The following GPD2 variants were observed in gnomAD, a reference collection of about 807,000 sequenced individuals.
GPD2 encodes the protein glycerol-3-phosphate dehydrogenase, mitochondrial.
GPD2 carries 54 observed loss-of-function variants against 82.4 expected under a neutral mutation model. The ratio of observed to expected loss-of-function variants is 0.66; its 90% confidence interval spans 0.53 to 0.82. GPD2 has a LOEUF of 0.82. Among genes scored for constraint, GPD2 ranks in the 40% least tolerant of loss-of-function variants. The pLI, the probability that GPD2 is intolerant of heterozygous loss-of-function variation, is 0.00. For missense variants in GPD2, 748 were observed against 896.2 expected, an observed-to-expected ratio of 0.83 and a Z score of 2.11; for synonymous variants, 288 against 306.1, an observed-to-expected ratio of 0.94 and a Z score of 0.62.
At position 156,495,787 on chromosome 2, in the gene GPD2, A is replaced by G; in HGVS notation, c.103-257A>G. 4 of 474,988 alleles carry G rather than the reference A, an allele frequency of 8.4e-6. No homozygotes were observed. The East Asian group carries it at 1.7e-4, about 21-fold the overall frequency. 29.4% of individuals were successfully genotyped at this position (474,988 alleles called of 1,614,324 possible). A position where few individuals can be genotyped will look rare whatever the true frequency, so the allele number is the denominator to read the frequency against. On this transcript the variant is annotated intron_variant, in intron 2 of 16. Transcript: ENST00000438166. Reference sequence around the variant, plus strand: ...TGTGAATAATTGAACTTGGCTGTATATGAAGCAGTTGAGACATTGAATCTG... The same window carrying G: ...TGTGAATAATTGAACTTGGCTGTATGTGAAGCAGTTGAGACATTGAATCTG...
At chr2:156,452,002 C>G (rs547063977) in intron 1 of GPD2, among the ~76,000 whole-genome samples, 3 of 151,398 alleles carry the variant, frequency 2.0e-5, no homozygotes, top group Admixed American at 1.3e-4. Flanking sequence ...GATGGGCGGC[C>G]GGGCAGAGAT....
At chr2:156,529,922 G>A (rs1462220857) in intron 6 of GPD2, among the ~76,000 whole-genome samples, 12 of 152,076 alleles carry the variant, frequency 7.9e-5, no homozygotes, top group Admixed American at 7.9e-4. Context: ...GGCGATGTGG[G>A]CTCTTTTTTG....
At chr2:156,425,997 A>G in the GPD2 span, among the ~76,000 whole-genome samples, 1 of 146,406 alleles carries the variant, frequency 6.8e-6, no homozygotes, top group South Asian at 2.1e-4. Flanking sequence ...ATCTCGGCTC[A>G]CTGCAAGCTC....
chr2:156,486,113 T>A (rs1420871681), intron 2 of GPD2, among the ~76,000 whole-genome samples: 3 of 152,304 alleles, frequency 2.0e-5, no homozygotes, highest in East Asian at 3.9e-4. Context: ...CTCTATATGG[T>A]TAACTGTTTT....
At chr2:156,477,725 G>A (rs532168510) in intron 2 of GPD2, among the ~76,000 whole-genome samples, 2 of 152,266 alleles carry the variant, frequency 1.3e-5, no homozygotes, top group South Asian at 2.1e-4. Flanking sequence ...ACGTACAATG[G>A]TATTATTAAT....
At chr2:156,560,366 CAAAT>C (rs1301721010) in intron 9 of GPD2, among the ~76,000 whole-genome samples, 2 of 152,140 alleles carry the variant, frequency 1.3e-5, no homozygotes, top group African/African-American at 4.8e-5. Flanking sequence ...GTGAAACTAA[CAAAT>C]AGTTATTGTT....
intron 1 of GPD2, among the ~76,000 whole-genome samples, chr2:156,442,630 G>A (rs961711490): frequency 2.0e-5 from 3 of 152,126 alleles, no homozygotes; most frequent in Non-Finnish European, 2.9e-5. Flanking sequence ...GGCAACATGT[G>A]AGACCCTGTC....
At chr2:156,532,474 T>G (rs1685905090) in intron 6 of GPD2, among the ~76,000 whole-genome samples, 2 of 152,220 alleles carry the variant, frequency 1.3e-5, no homozygotes, top group African/African-American at 2.4e-5. Flanking sequence ...CATTAAATTT[T>G]AAGGAGGTAC....
At chr2:156,547,649 C>T (rs1436463388) in intron 6 of GPD2, among the ~76,000 whole-genome samples, 1 of 152,174 alleles carries the variant, frequency 6.6e-6, no homozygotes, top group East Asian at 1.9e-4. Flanking sequence ...GTTAAGCTTG[C>T]TTACCTGCAG....
chr2:156,459,615 G>A (rs1682913023), intron 1 of GPD2, among the ~76,000 whole-genome samples: 1 of 134,740 alleles, frequency 7.4e-6, no homozygotes, highest in Non-Finnish European at 1.5e-5. Flanking sequence ...TTGAACCAGG[G>A]AGTCAGAGGT....
At chr2:156,417,034 G>A in the GPD2 span, among the ~76,000 whole-genome samples, 3 of 152,096 alleles carry the variant, frequency 2.0e-5, no homozygotes, top group Non-Finnish European at 4.4e-5. Context: ...TTATTCCTTT[G>A]TAATCCTGTG....
At chr2:156,574,723 AAGGAGCGATATC>A (rs1245486453) in intron 13 of GPD2, among the ~76,000 whole-genome samples, 1 of 152,228 alleles carries the variant, frequency 6.6e-6, no homozygotes, top group Non-Finnish European at 1.5e-5. Flanking sequence ...TCAACAATGA[AAGGAGCGATATC>A]AGGAATAATG....
intron 7 of GPD2, among the ~76,000 whole-genome samples, chr2:156,550,298 G>A (rs537312982): frequency 7.9e-5 from 12 of 152,286 alleles, no homozygotes; most frequent in African/African-American, 2.6e-4. Context: ...AGGAGAAAGC[G>A]GCTTATTTAC....
At chr2:156,433,384 T>C (rs1688341034), upstream of GPD2, among the ~76,000 whole-genome samples, 1 of 152,140 alleles carries the variant, frequency 6.6e-6, no homozygotes, top group Non-Finnish European at 1.5e-5. Context: ...GATCAGCTGG[T>C]ACCACCTAGA....
At chr2:156,539,856 G>A (rs1347099) in intron 6 of GPD2, among the ~76,000 whole-genome samples, 106,747 of 152,048 alleles carry the variant, frequency 0.7, 37,647 homozygotes, top group Middle Eastern at 0.82. Context: ...TTGACTTGTT[G>A]TATAATTCGA....
At chr2:156,408,738 A>G in the GPD2 span, among the ~76,000 whole-genome samples, 1 of 151,466 alleles carries the variant, frequency 6.6e-6, no homozygotes, top group African/African-American at 2.4e-5. Context: ...AAAAAAGACA[A>G]GAAAGGCAAA....
chr2:156,565,977 G>C (rs995768333), intron 9 of GPD2, among the ~76,000 whole-genome samples: 3 of 151,994 alleles, frequency 2.0e-5, no homozygotes, highest in African/African-American at 2.4e-5. Flanking sequence ...GATGTTTACT[G>C]TACAAAGGCA....
In GPD2 at chr2:156,525,587, G is replaced by A. The variant is rs561449683; in HGVS notation, c.661+12091G>A. 7.2e-5 allele frequency among the ~76,000 whole-genome samples: 11 copies of A among 152,274 alleles called. No individual in the cohort carries two copies. The South Asian group carries it at 2.3e-3, about 32-fold the overall frequency. ...TAGATACAGTTCCACTTCAAATTTA[G>A]TATTACATGGTTTTTATTTAACGTT... On this transcript the variant is annotated intron_variant, in intron 6 of 16. Transcript: ENST00000438166.
intron 6 of GPD2, among the ~76,000 whole-genome samples, chr2:156,548,700 C>A (rs1332876707): frequency 6.6e-6 from 1 of 152,200 alleles, no homozygotes; most frequent in Non-Finnish European, 1.5e-5. Context: ...ATTACAAATT[C>A]ATCCCTTTAT....
Sources: gnomAD v4.1 joint callset for allele counts (sites outside exome capture counted in the v4.1 genomes callset) on GRCh38, gnomAD v4.1.1 for gene constraint, MANE v1.5 for transcripts, NCBI Gene and HGNC (gene_info 2026-07-23, HGNC 2026-07-21) for gene names.